Variants in CNTNAP5 observed in about 807,000 individuals in gnomAD.
CNTNAP5 encodes the protein contactin associated protein family member 5.
A neutral mutation model predicts 150.2 loss-of-function variants in CNTNAP5; 72 were observed. That is an observed-to-expected ratio of 0.48 (90% CI 0.40 to 0.58). The LOEUF (loss-of-function observed/expected upper bound fraction) is 0.58, where lower values mean the gene tolerates loss of function less well. Ranked by LOEUF, CNTNAP5 falls within the 20% of genes least tolerant of loss-of-function variation. The probability of loss-of-function intolerance (pLI) is 0.00; values close to 1 mark genes in which losing one functional copy is unlikely to be tolerated. For synonymous variants in CNTNAP5, 672 were observed against 619.8 expected (o/e 1.08, Z -1.25); for missense variants, 1,636 against 1,626.2 (o/e 1.01, Z -0.10).
At chr2:124,893,345 A>G (rs1417787308) in intron 21 of CNTNAP5, among the ~76,000 whole-genome samples, 1 of 152,170 alleles carries the variant, frequency 6.6e-6, no homozygotes, top group Non-Finnish European at 1.5e-5. Flanking sequence ...GAGAAATATT[A>G]TGCAAACAGT....
At chr2:124,653,222 A>C (rs545045342) in intron 13 of CNTNAP5, among the ~76,000 whole-genome samples, 13 of 152,294 alleles carry the variant, frequency 8.5e-5, no homozygotes, top group Non-Finnish European at 1.6e-4. Flanking sequence ...TCATGTTACA[A>C]TGGAATTTAA....
chr2:124,060,232 T>C (rs1681970864), intron 1 of CNTNAP5, among the ~76,000 whole-genome samples: 1 of 152,154 alleles, frequency 6.6e-6, no homozygotes, highest in Non-Finnish European at 1.5e-5. Context: ...CAGAAATCCG[T>C]CCACTATGAA....
chr2:124,228,852 A>G (rs1686537795), intron 2 of CNTNAP5, among the ~76,000 whole-genome samples: 1 of 152,112 alleles, frequency 6.6e-6, no homozygotes, highest in Non-Finnish European at 1.5e-5. Context: ...TTTAAATTGT[A>G]AAACCCATGA....
In CNTNAP5 at chr2:124,917,198, T is replaced by C. The variant is rs144533636; in HGVS notation, c.*2910T>C. 1.8e-3 allele frequency among the ~76,000 whole-genome samples: 277 copies of C among 152,166 alleles called. 2 individuals carry two copies. Among genetic ancestry groups the C allele is most frequent in the African/African-American group, 6.4e-3 (265 of 41,548 alleles). The stretch of plus-strand genomic sequence containing the variant: ...ACTGGGCCACCATGATCTCTTCCAC[T>C]TAAATCCTCAGCCTTCAATAACTGC... On this transcript the variant is annotated 3_prime_UTR_variant, in exon 24 of 24. Coordinates refer to ENST00000682447, the MANE Select transcript of CNTNAP5 (RefSeq NM_001367498.1).
intron 1 of CNTNAP5, among the ~76,000 whole-genome samples, chr2:124,105,813 G>A (rs985674208): frequency 6.6e-6 from 1 of 151,838 alleles, no homozygotes; most frequent in Non-Finnish European, 1.5e-5. Context: ...ACCAGATAAT[G>A]TTGTCTGCAT....
In CNTNAP5 at chr2:124,914,193, GA is replaced by G; in HGVS notation, c.3830del (p.Glu1277GlyfsTer22). The G allele has an allele frequency of 6.2e-7, 1 of 1,612,592 alleles. No homozygotes were observed. The highest frequency in any genetic ancestry group is 8.5e-7 in the Non-Finnish European group (1 of 1,179,006). ...KQSHRTSQMK[E>X]KEYPENLDSS... Reference sequence around the variant, plus strand: ...GTCACATCGTACGAGCCAGATGAAGGAGAAGGAATATCCAGAAAATTTGGAC... The same window carrying G: ...GTCACATCGTACGAGCCAGATGAAGGGAAGGAATATCCAGAAAATTTGGAC... On this transcript the variant is annotated frameshift_variant, in exon 24 of 24. Coordinates refer to ENST00000682447, the MANE Select transcript of CNTNAP5 (RefSeq NM_001367498.1). LOFTEE classifies it high-confidence loss of function.
chr2:124,627,521 TCAAA>T (rs1558710320), intron 12 of CNTNAP5, among the ~76,000 whole-genome samples: 1 of 75,678 alleles, frequency 1.3e-5, no homozygotes, highest in African/African-American at 4.4e-5. Flanking sequence ...AACAACAACA[TCAAA>T]AAAAAAAAAA....
rs114720262 is a variant in CNTNAP5, at chr2:124,382,249, C to T, written c.382-35194C>T. The stretch of plus-strand genomic sequence containing the variant: ...TGCACTGGAAAGAAGGTAGTCTATG[C>T]GCTCAGATGCAGGCACAGAGAGAGG... On this transcript the variant is annotated intron_variant, in intron 3 of 23. Transcript: ENST00000682447. Among the ~76,000 whole-genome samples, 225 of 152,158 alleles carry T rather than the reference C, an allele frequency of 1.5e-3. No homozygotes were observed. The Middle Eastern group carries it at 0.017, about 12-fold the overall frequency.
At chr2:124,220,817 C>T (rs917386803) in intron 1 of CNTNAP5, among the ~76,000 whole-genome samples, 1 of 152,010 alleles carries the variant, frequency 6.6e-6, no homozygotes, top group Non-Finnish European at 1.5e-5. Context: ...CTGAAAGGCC[C>T]CAACACTTAA....
At chr2:124,837,934 G>A (rs1682863561) in intron 19 of CNTNAP5, among the ~76,000 whole-genome samples, 1 of 152,050 alleles carries the variant, frequency 6.6e-6, no homozygotes, top group Non-Finnish European at 1.5e-5. Context: ...CTAATTTCCT[G>A]TTGTGCAAAT....
chr2:124,350,073 C>A (rs1689839473), intron 3 of CNTNAP5, among the ~76,000 whole-genome samples: 1 of 151,752 alleles, frequency 6.6e-6, no homozygotes, highest in African/African-American at 2.4e-5. Flanking sequence ...TTAGTAGAGG[C>A]AGTTTTCACC....
chr2:124,445,081 CTTTTTTTT>C (rs1006938474), intron 5 of CNTNAP5, among the ~76,000 whole-genome samples: 2 of 131,824 alleles, frequency 1.5e-5, no homozygotes, highest in Admixed American at 7.8e-5. Context: ...ACACAAATAT[CTTTTTTTT>C]TTTTTTTTTT....
intron 17 of CNTNAP5, among the ~76,000 whole-genome samples, chr2:124,783,781 CT>C (rs1285405901): frequency 6.6e-6 from 1 of 151,876 alleles, no homozygotes; most frequent in Non-Finnish European, 1.5e-5. Context: ...ATTATTTTAC[CT>C]TTTGGGCATC....
At position 124,403,444 on chromosome 2, in the gene CNTNAP5, G is replaced by GT. The variant is rs555396859; in HGVS notation, c.382-13991dup. 5.9e-4 allele frequency among the ~76,000 whole-genome samples: 90 copies of GT among 152,036 alleles called. No individual in the cohort carries two copies. In the East Asian group the frequency reaches 0.015, roughly 25 times the overall value. On this transcript the variant is annotated intron_variant, in intron 3 of 23. Coordinates refer to ENST00000682447, the MANE Select transcript of CNTNAP5 (RefSeq NM_001367498.1). ...TTGATGAGTAAACAGATTAAGAAAA[G>GT]TTTTTTTTATGTTTCTTTGTTCATT...
chr2:124,531,366 A>G (rs1695104393), intron 10 of CNTNAP5, among the ~76,000 whole-genome samples: 2 of 152,168 alleles, frequency 1.3e-5, no homozygotes, highest in Admixed American at 1.3e-4. Context: ...GTTCCTAAGA[A>G]GCCACGGACC....
intron 22 of CNTNAP5, among the ~76,000 whole-genome samples, chr2:124,905,482 T>C (rs1678516944): frequency 6.6e-6 from 1 of 152,166 alleles, no homozygotes; most frequent in Admixed American, 6.5e-5. Context: ...CCATCATCCA[T>C]ACATTCTCTG....
At chr2:124,365,173 G>A (rs549010789) in intron 3 of CNTNAP5, among the ~76,000 whole-genome samples, 193 of 152,076 alleles carry the variant, frequency 1.3e-3, no homozygotes, top group African/African-American at 4.3e-3. Flanking sequence ...TAAATTAGCC[G>A]AGCATGGTGA....
chr2:124,113,857 T>G (rs1431976774), intron 1 of CNTNAP5, among the ~76,000 whole-genome samples: 1 of 152,024 alleles, frequency 6.6e-6, no homozygotes, highest in Non-Finnish European at 1.5e-5. Flanking sequence ...ATTGTCCACA[T>G]CATTGAAAAG....
intron 11 of CNTNAP5, among the ~76,000 whole-genome samples, chr2:124,568,624 T>C (rs1203722567): frequency 1.3e-5 from 2 of 152,262 alleles, no homozygotes; most frequent in Non-Finnish European, 2.9e-5. Context: ...CAAGACGTTT[T>C]TGTTTCTATA....
Sources: gnomAD v4.1 joint callset for allele counts (sites outside exome capture counted in the v4.1 genomes callset) on GRCh38, gnomAD v4.1.1 for gene constraint, MANE v1.5 for transcripts, NCBI Gene and HGNC (gene_info 2026-07-23, HGNC 2026-07-21) for gene names.